The following DRC5 variants were observed in gnomAD, a reference collection of about 807,000 sequenced individuals.
DRC5 encodes the protein dynein regulatory complex subunit 5, also known as T-complex-associated testis-expressed protein 1.
the DRC5 span, among the ~76,000 whole-genome samples, chr6:44,296,520 T>C: frequency 6.6e-6 from 1 of 152,182 alleles, no homozygotes; most frequent in East Asian, 1.9e-4. Context: ...ATCTAACCAT[T>C]CTGGGTAGGA....
At chr6:44,294,572 C>A in the DRC5 span, among the ~76,000 whole-genome samples, 2 of 151,194 alleles carry the variant, frequency 1.3e-5, no homozygotes, top group South Asian at 4.2e-4. Context: ...TGGTGAAACC[C>A]CGTCTCTACT....
the DRC5 span, chr6:44,287,099 C>T: frequency 5.8e-5 from 39 of 672,180 alleles, no homozygotes; most frequent in African/African-American, 1.2e-4. Flanking sequence ...CCTCAGACAG[C>T]GCCCCATCTG....
the DRC5 span, chr6:44,287,297 G>A: frequency 1.1e-6 from 1 of 931,362 alleles, no homozygotes; most frequent in Non-Finnish European, 1.3e-6. Flanking sequence ...GAGTAGAAAA[G>A]GCAAGGAGAG....
chr6:44,287,907 A>G, the DRC5 span: 113 of 1,512,936 alleles, frequency 7.5e-5, 1 homozygote, highest in South Asian at 1.4e-3. Flanking sequence ...GGTCCTTGAA[A>G]CAGGTAGGGA....
At chr6:44,284,136 T>C in the DRC5 span, among the ~76,000 whole-genome samples, 1 of 151,924 alleles carries the variant, frequency 6.6e-6, no homozygotes, top group African/African-American at 2.4e-5. Flanking sequence ...ATTCCTCACT[T>C]CCCACTCTCC....
the DRC5 span, among the ~76,000 whole-genome samples, chr6:44,294,804 A>G: frequency 1.3e-5 from 2 of 151,430 alleles, no homozygotes; most frequent in African/African-American, 4.8e-5. Flanking sequence ...GAAAGAAAGA[A>G]AAAGAAAGGA....
chr6:44,297,522 C>T, the DRC5 span: 2 of 152,470 alleles, frequency 1.3e-5, no homozygotes. Context: ...AAAACGCAAC[C>T]CAGGCAATGG....
chr6:44,283,883 C>G, the DRC5 span, among the ~76,000 whole-genome samples: 1 of 152,210 alleles, frequency 6.6e-6, no homozygotes, highest in Admixed American at 6.5e-5. Flanking sequence ...GGTGAACTCT[C>G]CTCTTGCCTT....
At chr6:44,285,481 C>T in the DRC5 span, among the ~76,000 whole-genome samples, 1 of 152,142 alleles carries the variant, frequency 6.6e-6, no homozygotes, top group Non-Finnish European at 1.5e-5. Context: ...GCTTGAACTC[C>T]GAGGCTCAAG....
the DRC5 span, among the ~76,000 whole-genome samples, chr6:44,297,245 G>A: frequency 1.3e-5 from 2 of 152,228 alleles, no homozygotes; most frequent in African/African-American, 4.8e-5. Flanking sequence ...GCACCCGCGG[G>A]AGGGATTACA....
chr6:44,292,136 G>T, the DRC5 span, among the ~76,000 whole-genome samples: 1 of 152,276 alleles, frequency 6.6e-6, no homozygotes, highest in African/African-American at 2.4e-5. Flanking sequence ...ACTGCTCACT[G>T]GGTAAAATCC....
the DRC5 span, among the ~76,000 whole-genome samples, chr6:44,281,750 G>T: frequency 2.0e-5 from 3 of 152,200 alleles, no homozygotes; most frequent in African/African-American, 7.2e-5. Flanking sequence ...TATTAGAAAG[G>T]ACTCAGGCTT....
the DRC5 span, among the ~76,000 whole-genome samples, chr6:44,294,879 TGA>T: frequency 6.6e-6 from 1 of 151,726 alleles, no homozygotes; most frequent in East Asian, 1.9e-4. Flanking sequence ...GACAGGAGTC[TGA>T]GAGAGCTCTG....
At chr6:44,294,772 C>CAAAAAAAAAAAAAAAA in the DRC5 span, among the ~76,000 whole-genome samples, 4 of 88,716 alleles carry the variant, frequency 4.5e-5, no homozygotes, top group Non-Finnish European at 6.2e-5. Flanking sequence ...AACTCTGTCT[C>CAAAAAAAAAAAAAAAA]AAAAAAAAAA....
At chr6:44,293,555 A>G in the DRC5 span, among the ~76,000 whole-genome samples, 3 of 152,220 alleles carry the variant, frequency 2.0e-5, no homozygotes. Context: ...GAAACAGGAA[A>G]TGACTGGCCC....
the DRC5 span, among the ~76,000 whole-genome samples, chr6:44,284,242 C>T: frequency 6.6e-6 from 1 of 152,124 alleles, no homozygotes; most frequent in African/African-American, 2.4e-5. Flanking sequence ...GTCCTCAGCT[C>T]TATTCCACCC....
chr6:44,286,190 C>A, the DRC5 span: 1 of 1,611,634 alleles, frequency 6.2e-7, no homozygotes, highest in Middle Eastern at 1.6e-4. Context: ...GTCGCCCGGC[C>A]GGAGCTGGGC....
At chr6:44,287,922 G>C in the DRC5 span, 49 of 1,468,006 alleles carry the variant, frequency 3.3e-5, no homozygotes, top group Middle Eastern at 4.8e-4. Flanking sequence ...TAGGGATCTG[G>C]AGCAAAAGGA....
chr6:44,288,993 C>CAAAAAA, the DRC5 span, among the ~76,000 whole-genome samples: 31 of 32,814 alleles, frequency 9.4e-4, 3 homozygotes, highest in African/African-American at 2.3e-3. Flanking sequence ...GACTCTGTCT[C>CAAAAAA]AAAAAAAAAA....
Sources: allele counts gnomAD v4.1 joint callset (sites outside exome capture counted in the v4.1 genomes callset), GRCh38; gene constraint gnomAD v4.1.1; transcripts MANE v1.5; gene names NCBI Gene and HGNC (gene_info 2026-07-23, HGNC 2026-07-21).